SPTB: variants seen among roughly 807,000 people sequenced by gnomAD.
SPTB encodes spectrin beta chain, erythrocytic.
In SPTB, 45 loss-of-function variants were observed where a neutral mutation model predicts 256.2. That is an observed-to-expected ratio of 0.18 (90% CI 0.14 to 0.23). The LOEUF (loss-of-function observed/expected upper bound fraction) is 0.23, where lower values mean the gene tolerates loss of function less well. Ranked by LOEUF, SPTB falls within the 10% of genes least tolerant of loss-of-function variation. The pLI, the probability that SPTB is intolerant of heterozygous loss-of-function variation, is 1.00. For synonymous variants in SPTB, 1,231 were observed against 1,243.1 expected (o/e 0.99, Z 0.21); for missense variants, 2,715 against 3,040.4 (o/e 0.89, Z 2.52).
chr14:64,805,629 C>A (rs1715744283), intron 2 of SPTB, among the ~76,000 whole-genome samples: 1 of 152,344 alleles, frequency 6.6e-6, no homozygotes, highest in Non-Finnish European at 1.5e-5. Context: ...CCAGGGAAAT[C>A]TGTCTTGGTC....
At chr14:64,832,021 A>G (rs764928997) in intron 1 of SPTB, among the ~76,000 whole-genome samples, 15 of 152,208 alleles carry the variant, frequency 9.9e-5, no homozygotes, top group Non-Finnish European at 1.5e-4. Context: ...AAGGAAATCA[A>G]TCCATCAACC....
rs10148978 is a variant in SPTB, at chr14:64,764,891, G to C, written c.6345+1835C>G. On this transcript the variant is annotated intron_variant, in intron 32 of 35. Transcript: ENST00000644917. The surrounding 1 kb of genome is among the most constrained non-coding windows in gnomAD (Gnocchi z 4.2). ...GGGAGGCGACCCCACATGCGATGACGGGAGCTTCGGAGGGAACTTCTGGGA... is the reference window on the plus strand; with the variant it reads ...GGGAGGCGACCCCACATGCGATGACCGGAGCTTCGGAGGGAACTTCTGGGA... Among the ~76,000 whole-genome samples the C allele has an allele frequency of 2.2e-4, 33 of 152,176 alleles. No individual in the cohort carries two copies. Among genetic ancestry groups the C allele is most frequent in the African/African-American group, 8.0e-4 (33 of 41,488 alleles).
rs1227370749 is a variant in SPTB at position 64,796,427 on chromosome 14, T to G, written c.1341+130A>C. ...CAGATGCAAATCTTGATCCACTGGA[T>G]CACGGGGGAGCTGTGCTGCAAGGCA... On this transcript the variant is annotated intron_variant, in intron 11 of 35. Transcript: ENST00000644917. The surrounding 1 kb of genome is among the most constrained non-coding windows in gnomAD (Gnocchi z 4.1). 8.3e-7 allele frequency: 1 copy of G among 1,210,556 alleles called. No homozygotes were observed. The highest frequency in any genetic ancestry group is 1.2e-6 in the Non-Finnish European group (1 of 830,914). The allele number at this position is 1,210,556 out of a possible 1,614,324, so 75.0% of individuals were successfully genotyped here.
chr14:64,769,529 C>G, intron 28 of SPTB, 61 bp downstream of exon 28: 1 of 1,605,644 alleles, frequency 6.2e-7, no homozygotes, highest in Non-Finnish European at 8.5e-7. Context: ...AGGAGGCTGC[C>G]TGGCTGGCAC....
At position 64,760,110 on chromosome 14, in the gene SPTB, G is replaced by A. The variant is rs2082071329; in HGVS notation, c.6346-6317C>T. Among the ~76,000 whole-genome samples, 1 of 152,156 alleles carries A rather than the reference G, an allele frequency of 6.6e-6. No individual in the cohort carries two copies. The highest frequency in any genetic ancestry group is 2.4e-5 in the African/African-American group (1 of 41,432). Reference sequence around the variant, plus strand: ...ACAGGATTGTAGTCAAACCAACAGGGAGAGGCCACAGGCTCCCAATGGGTG... The same window carrying A: ...ACAGGATTGTAGTCAAACCAACAGGAAGAGGCCACAGGCTCCCAATGGGTG... On this transcript the variant is annotated intron_variant, in intron 32 of 35. Coordinates refer to ENST00000644917, the MANE Select transcript of SPTB (RefSeq NM_001355436.2). This position sits in a 1 kb window ranked among gnomAD's most constrained non-coding sequence, Gnocchi z 4.3.
At chr14:64,870,287 C>A (rs915717934) in intron 1 of SPTB, among the ~76,000 whole-genome samples, 4 of 151,376 alleles carry the variant, frequency 2.6e-5, no homozygotes, top group Non-Finnish European at 5.9e-5. Context: ...GTTAAGGCAC[C>A]ATCACAATCA....
In SPTB at chr14:64,799,783, G is replaced by A. The variant is rs2082845905; in HGVS notation, c.1028C>T (p.Ala343Val). ...CTCCACGGTGCGGTAGGTGCTGAAGGCCTGCAGCTGCTGCTGGACGCCCGT... is the reference window on the plus strand; with the variant it reads ...CTCCACGGTGCGGTAGGTGCTGAAGACCTGCAGCTGCTGCTGGACGCCCGT... Reference protein sequence around the residue: ...SLTGVQQQLQAFSTYRTVEKP... With the variant: ...SLTGVQQQLQVFSTYRTVEKP... The change falls in exon 9 of 36, where the codon GCC becomes GTC. Residue 343 changes from alanine (A) to valine (V), a missense_variant. Around this residue, in one of 4 missense-constraint regions of SPTB, gnomAD observed 416 missense variants for 571.1 expected, o/e 0.73. Transcript: ENST00000644917. 6.2e-7 allele frequency: 1 copy of A among 1,614,090 alleles called. No homozygotes were observed. The highest frequency in any genetic ancestry group is 1.3e-5 in the African/African-American group (1 of 74,936).
intron 2 of SPTB, among the ~76,000 whole-genome samples, chr14:64,808,709 C>G (rs1214027681): frequency 6.6e-6 from 1 of 152,162 alleles, no homozygotes; most frequent in Non-Finnish European, 1.5e-5. Context: ...AAACAATACT[C>G]AAACCCACCA....
Position 64,802,858 on chromosome 14 carries a change from A to T in SPTB, c.475-541T>A, listed in dbSNP as rs1363748536. 6.6e-6 allele frequency among the ~76,000 whole-genome samples: 1 copy of T among 152,196 alleles called. No homozygotes were observed. The highest frequency in any genetic ancestry group is 1.5e-5 in the Non-Finnish European group (1 of 68,016). On this transcript the variant is annotated intron_variant, in intron 4 of 35. Coordinates refer to ENST00000644917, the MANE Select transcript of SPTB (RefSeq NM_001355436.2). This position sits in a 1 kb window ranked among gnomAD's most constrained non-coding sequence, Gnocchi z 5.1. Reference sequence around the variant, plus strand: ...TAGAATGCAGAGAATCAGTGACAAGATGCCCTGATTCCTCCTCTGGAGGTG... The same window carrying T: ...TAGAATGCAGAGAATCAGTGACAAGTTGCCCTGATTCCTCCTCTGGAGGTG...
In SPTB at chr14:64,841,943, C is replaced by T. The variant is rs230701; in HGVS notation, c.-51-18798G>A. 0.15 allele frequency among the ~76,000 whole-genome samples: 22,077 copies of T among 152,174 alleles called. 2,181 individuals are homozygous for T. Among genetic ancestry groups the T allele is most frequent in the African/African-American group, 0.27 (11,247 of 41,470 alleles). ...TATCTGGAAGCAGCCGGGACAAGAG[C>T]ACCCCCAGTTCTGAGCACAGTAACT... On this transcript the variant is annotated intron_variant, in intron 1 of 35. Coordinates refer to ENST00000644917, the MANE Select transcript of SPTB (RefSeq NM_001355436.2). The surrounding 1 kb of genome is among the most constrained non-coding windows in gnomAD (Gnocchi z 4.6).
chr14:64,839,086 C>T (rs999353942), intron 1 of SPTB, among the ~76,000 whole-genome samples: 4 of 151,874 alleles, frequency 2.6e-5, no homozygotes, highest in African/African-American at 4.8e-5. Context: ...GAGCCGAGAT[C>T]GCACCATTGC....
chr14:64,798,046 T>A (rs571524514), intron 9 of SPTB, among the ~76,000 whole-genome samples, 200 bp from the exon 10 acceptor site: 3 of 152,320 alleles, frequency 2.0e-5, no homozygotes, highest in African/African-American at 4.8e-5. Flanking sequence ...TGAGATCTAT[T>A]AGGGGTTTGG....
In SPTB at chr14:64,823,044, G is replaced by A; in HGVS notation, c.51C>T (p.Ser17=). 1.2e-6 allele frequency: 2 copies of A among 1,614,184 alleles called. No individual in the cohort carries two copies. The highest frequency in any genetic ancestry group is 1.7e-6 in the Non-Finnish European group (2 of 1,180,030). ...GGGCGTCCCAGCGGGCATTGATCCT[G>A]CTGTAAGGTGGCTGGTTGCCCACAT... is the stretch of plus-strand genomic sequence containing the variant. ...FENVGNQPPY[S]RINARWDAPD... The change falls in exon 2 of 36, where the codon AGC becomes AGT. Residue 17 remains serine, a synonymous_variant. Coordinates refer to ENST00000644917, the MANE Select transcript of SPTB (RefSeq NM_001355436.2). The surrounding 1 kb of genome is among the most constrained non-coding windows in gnomAD (Gnocchi z 6.5).
intron 1 of SPTB, among the ~76,000 whole-genome samples, chr14:64,871,664 T>C (rs913624242): frequency 2.0e-5 from 3 of 152,214 alleles, no homozygotes; most frequent in African/African-American, 7.2e-5. Flanking sequence ...TCAGGCCAAA[T>C]GCTTGCACAT....
At position 64,827,608 on chromosome 14, in the gene SPTB, C is replaced by T. The variant is rs937530994; in HGVS notation, c.-51-4463G>A. ...GGAACATCCTTCCTCTCCCTCTGAT[C>T]ATAATCGCATTGCACATTCACAGGT... On this transcript the variant is annotated intron_variant, in intron 1 of 35. Transcript: ENST00000644917. This position sits in a 1 kb window ranked among gnomAD's most constrained non-coding sequence, Gnocchi z 4.6. Among the ~76,000 whole-genome samples the T allele has an allele frequency of 1.3e-5, 2 of 152,218 alleles. No homozygotes were observed. The highest frequency in any genetic ancestry group is 4.8e-5 in the African/African-American group (2 of 41,458).
In SPTB at chr14:64,825,945, G is replaced by A. The variant is rs2083372286; in HGVS notation, c.-51-2800C>T. Among the ~76,000 whole-genome samples the A allele has an allele frequency of 6.6e-6, 1 of 152,246 alleles. No individual in the cohort carries two copies. The highest frequency in any genetic ancestry group is 2.1e-4 in the South Asian group (1 of 4,830). Reference sequence around the variant, plus strand: ...AGCTCTGCCAGGAATGGGAAGAGATGTATATGTGTGTCTAAATATACAGCT... The same window carrying A: ...AGCTCTGCCAGGAATGGGAAGAGATATATATGTGTGTCTAAATATACAGCT... On this transcript the variant is annotated intron_variant, in intron 1 of 35. Coordinates refer to ENST00000644917, the MANE Select transcript of SPTB (RefSeq NM_001355436.2). This position sits in a 1 kb window ranked among gnomAD's most constrained non-coding sequence, Gnocchi z 4.8.
chr14:64,751,341 A>C (rs2081947724), intron 33 of SPTB, among the ~76,000 whole-genome samples: 1 of 151,942 alleles, frequency 6.6e-6, no homozygotes. Flanking sequence ...GCTGGTCTCA[A>C]ACTCCTGACC....
intron 24 of SPTB, 146 bp from the exon 25 acceptor site, chr14:64,773,570 G>GGGGAAGAGCT: frequency 1.1e-6 from 1 of 878,894 alleles, no homozygotes; most frequent in South Asian, 1.4e-5. Context: ...GGGCTTTGCC[G>GGGGAAGAGCT]GGGAAGAGCT....
Position 64,827,933 on chromosome 14 carries a change from C to T in SPTB, c.-51-4788G>A, listed in dbSNP as rs2083398557. Among the ~76,000 whole-genome samples, 1 of 152,162 alleles carries T rather than the reference C, an allele frequency of 6.6e-6. No individual in the cohort carries two copies. Among genetic ancestry groups the T allele is most frequent in the South Asian group, 2.1e-4 (1 of 4,818 alleles). On this transcript the variant is annotated intron_variant, in intron 1 of 35. Coordinates refer to ENST00000644917, the MANE Select transcript of SPTB (RefSeq NM_001355436.2). The surrounding 1 kb of genome is among the most constrained non-coding windows in gnomAD (Gnocchi z 4.6). ...AGATAAGCATGCCACCTATGGGTGACCTTTCCAGTCGATGGACACCACCAG... is the reference window on the plus strand; with the variant it reads ...AGATAAGCATGCCACCTATGGGTGATCTTTCCAGTCGATGGACACCACCAG...
Sources: gnomAD v4.1 joint callset for allele counts (sites outside exome capture counted in the v4.1 genomes callset) on GRCh38, gnomAD v4.1.1 for gene constraint, gnomAD v4.1.1 regional missense constraint, Gnocchi (gnomAD v3.1) non-coding constraint, MANE v1.5 for transcripts, NCBI Gene and HGNC (gene_info 2026-07-23, HGNC 2026-07-21) for gene names.